C1orf167: variants seen among roughly 807,000 people sequenced by gnomAD.
C1orf167 encodes the protein chromosome 1 open reading frame 167.
In C1orf167, 153 loss-of-function variants were observed where a neutral mutation model predicts 176.5. That is an observed-to-expected ratio of 0.87 (90% CI 0.76 to 0.99). The LOEUF (loss-of-function observed/expected upper bound fraction) is 0.99, where lower values mean the gene tolerates loss of function less well. C1orf167 is among the 50% of genes least tolerant of loss of function. The pLI, the probability that C1orf167 is intolerant of heterozygous loss-of-function variation, is 0.00. For missense variants in C1orf167, 1,490 were observed against 1,817.7 expected (o/e 0.82, Z 3.28); for synonymous variants, 594 against 752.7 (o/e 0.79, Z 3.45).
chr1:11,770,801 C>T (rs1051286498), intron 6 of C1orf167, among the ~76,000 whole-genome samples: 23 of 114,392 alleles, frequency 2.0e-4, no homozygotes, highest in Non-Finnish European at 2.6e-4. Flanking sequence ...TTTTCTACTA[C>T]AGTTGGGTAT....
At chr1:11,788,112 C>T (rs1361604916) in intron 18 of C1orf167, 37 bp from the exon 19 acceptor site, 2 of 1,276,386 alleles carry the variant, frequency 1.6e-6, no homozygotes, top group South Asian at 2.5e-5. Context: ...GAGGGGCTTG[C>T]CTGAGCCATG....
chr1:11,784,565 G>T lies in C1orf167; in HGVS notation c.3397G>T (p.Ala1133Ser). 7.9e-7 allele frequency: 1 copy of T among 1,267,900 alleles called. No individual in the cohort carries two copies. The highest frequency in any genetic ancestry group is 1.0e-6 in the Non-Finnish European group (1 of 970,380). The allele number at this position is 1,267,900 out of a possible 1,614,324, so 78.5% of individuals were successfully genotyped here. Residue 1133 changes from alanine (A) to serine (S), a missense_variant, in exon 15 of 21, where the codon GCC becomes TCC. By Grantham distance (99) the Ala-to-Ser change is moderately conservative. Transcript: ENST00000688073. ...HESCRGQVSR[A>S]HASWKPRAWV... ...GTCCTGTCGGGGCCAGGTCAGCCGAGCCCATGCTTCCTGGAAGCCGCGAGC... is the reference window on the plus strand; with the variant it reads ...GTCCTGTCGGGGCCAGGTCAGCCGATCCCATGCTTCCTGGAAGCCGCGAGC...
In C1orf167 at chr1:11,782,191, C is replaced by T. The variant is rs1288962954; in HGVS notation, c.2863C>T (p.Gln955Ter). The T allele has an allele frequency of 5.5e-6, 7 of 1,278,872 alleles. No individual in the cohort carries two copies. The highest frequency in any genetic ancestry group is 6.1e-6 in the Non-Finnish European group (6 of 976,818). 79.2% of individuals were successfully genotyped at this position (1,278,872 alleles called of 1,614,324 possible). Residue 955 changes from glutamine (Q) to a stop codon, truncating the protein, a stop_gained and splice_region_variant, in exon 14 of 21, where the codon CAG becomes TAG. Coordinates refer to ENST00000688073, the MANE Select transcript of C1orf167 (RefSeq NM_001010881.2). LOFTEE classifies it high-confidence loss of function. ...LCHWHSCWQG[Q>*]QFLHEKCQTW... is the part of the protein sequence containing the mutation. ...CTTCAGCATCTCTCTGGCCCCAGGG[C>T]AGCAGTTCCTGCATGAAAAGTGCCA...
chr1:11,767,141 G>A, intron 3 of C1orf167, 56 bp downstream of exon 3: 1 of 1,280,896 alleles, frequency 7.8e-7, no homozygotes, highest in Non-Finnish European at 1.0e-6. Context: ...TTGCTCCAGG[G>A]CAGGGAGGCT....
chr1:11,776,870 C>A (rs1470984944), intron 10 of C1orf167, among the ~76,000 whole-genome samples: 4 of 152,198 alleles, frequency 2.6e-5, no homozygotes, highest in Non-Finnish European at 5.9e-5. Context: ...CAGAGGGCCA[C>A]TGGGGGCCAG....
intron 8 of C1orf167, among the ~76,000 whole-genome samples, chr1:11,773,386 C>A (rs1421340538): frequency 6.6e-6 from 1 of 151,990 alleles, no homozygotes; most frequent in Non-Finnish European, 1.5e-5. Flanking sequence ...TTTTTATATG[C>A]CTCTCTAAAA....
At chr1:11,772,013 G>T in intron 7 of C1orf167, 69 bp from the exon 8 acceptor site, 1 of 1,189,564 alleles carries the variant, frequency 8.4e-7, no homozygotes, top group South Asian at 1.5e-5. Flanking sequence ...CATGTCAGGG[G>T]CCCCTCCTGG....
chr1:11,765,905 A>G lies in C1orf167; in HGVS notation c.119A>G (p.His40Arg). The G allele has an allele frequency of 8.2e-7, 1 of 1,222,862 alleles. No homozygotes were observed. Among genetic ancestry groups the G allele is most frequent in the Non-Finnish European group, 1.0e-6 (1 of 957,014 alleles). The allele number at this position is 1,222,862 out of a possible 1,614,324, so 75.8% of individuals were successfully genotyped here. A position where few individuals can be genotyped will look rare whatever the true frequency, so the allele number is the denominator to read the frequency against. Residue 40 changes from histidine to arginine, a missense_variant, in exon 3 of 21, where the codon CAT (histidine) becomes CGT (arginine). By Grantham distance (29) the His-to-Arg change is conservative (BLOSUM62 0). Transcript: ENST00000688073. Reference protein sequence around the residue: ...RSLGIGLSGRHDQWVPGCQVE... With the variant: ...RSLGIGLSGRRDQWVPGCQVE... ...CTGGGCATCGGCCTGAGTGGTAGAC[A>G]TGACCAGTGGGTGCCCGGGTGCCAG...
In C1orf167 at chr1:11,771,509, C is replaced by G. The variant is rs1327786683; in HGVS notation, c.1698-15C>G. 7.8e-7 allele frequency: 1 copy of G among 1,285,900 alleles called. No homozygotes were observed. The highest frequency in any genetic ancestry group is 1.5e-5 in the African/African-American group (1 of 65,720). The allele number at this position is 1,285,900 out of a possible 1,614,324, so 79.7% of individuals were successfully genotyped here. ...CCCGGGTCATCAGCTTCTCTCTGGG[C>G]AACTTTGCTTTTAGTCCAGGAAGTC... On this transcript the variant is annotated splice_polypyrimidine_tract_variant and intron_variant, in intron 6 of 20. Transcript: ENST00000688073.
intron 12 of C1orf167, 160 bp downstream of exon 12, chr1:11,779,240 G>A (rs1643479405): frequency 1.6e-6 from 1 of 642,456 alleles, no homozygotes; most frequent in Non-Finnish European, 2.2e-6. Context: ...CTGAGAGGGT[G>A]TCGGGGAGTG....
At chr1:11,772,052 C>G (rs775719792) in intron 7 of C1orf167, 30 bp from the exon 8 acceptor site, 89 of 1,284,420 alleles carry the variant, frequency 6.9e-5, no homozygotes, top group Non-Finnish European at 8.2e-5. Flanking sequence ...CTTACTCTCT[C>G]TTTTCTCTCC....
At chr1:11,781,125 G>A (rs966979527) in intron 13 of C1orf167, among the ~76,000 whole-genome samples, 2 of 143,970 alleles carry the variant, frequency 1.4e-5, no homozygotes, top group African/African-American at 5.1e-5. Context: ...AGCTCCCCTC[G>A]TAGCTGGGAT....
In C1orf167 at chr1:11,788,058, C is replaced by G. The variant is rs1370059181; in HGVS notation, c.3848+11C>G. 6 of 1,289,882 alleles carry G rather than the reference C, an allele frequency of 4.7e-6. No individual in the cohort carries two copies. The highest frequency in any genetic ancestry group is 6.1e-6 in the Non-Finnish European group (6 of 979,814). The allele number at this position is 1,289,882 out of a possible 1,614,324, so 79.9% of individuals were successfully genotyped here. A position where few individuals can be genotyped will look rare whatever the true frequency, so the allele number is the denominator to read the frequency against. ...TAAACGGAGGCTACGGTAAGAGGAGCTGTGTGTGCAGTTTGGTGGGTCCGA... is the reference window on the plus strand; with the variant it reads ...TAAACGGAGGCTACGGTAAGAGGAGGTGTGTGTGCAGTTTGGTGGGTCCGA... On this transcript the variant is annotated intron_variant, in intron 18 of 20. Coordinates refer to ENST00000688073, the MANE Select transcript of C1orf167 (RefSeq NM_001010881.2).
At chr1:11,787,251 G>A (rs878979686) in intron 16 of C1orf167, 137 bp from the exon 17 acceptor site, 1 of 355,542 alleles carries the variant, frequency 2.8e-6, no homozygotes, top group South Asian at 2.5e-5. Context: ...TTGTTGGAAT[G>A]TCTTCAGCCA....
In C1orf167 at chr1:11,784,528, G is replaced by GT; in HGVS notation, c.3361dup (p.Trp1121LeufsTer4). ...AGTGCTGGACTTGGTGCTGGGCTCT[G>GT]TGGGTGCATGAGTCCTGTCGGGGCC... On this transcript the variant is annotated frameshift_variant, in exon 15 of 21. Coordinates refer to ENST00000688073, the MANE Select transcript of C1orf167 (RefSeq NM_001010881.2). LOFTEE classifies it high-confidence loss of function. 2.3e-6 allele frequency: 3 copies of GT among 1,300,380 alleles called. No homozygotes were observed. 80.6% of individuals were successfully genotyped at this position (1,300,380 alleles called of 1,614,324 possible).
At chr1:11,777,771 T>C (rs1643391177) in intron 10 of C1orf167, 1 of 152,208 alleles carries the variant, frequency 6.6e-6, no homozygotes, top group Non-Finnish European at 1.5e-5. Context: ...CCTTTCAGAA[T>C]GTGGGGGCAC....
At chr1:11,774,160 C>G (rs1643205435) in intron 8 of C1orf167, among the ~76,000 whole-genome samples, 1 of 152,120 alleles carries the variant, frequency 6.6e-6, no homozygotes, top group Non-Finnish European at 1.5e-5. Context: ...CCACCTTGAC[C>G]TCCCAAAGTG....
chr1:11,788,364 C>G lies in C1orf167; in HGVS notation c.4064C>G (p.Ala1355Gly), dbSNP rs951935644. 6 of 1,295,684 alleles carry G rather than the reference C, an allele frequency of 4.6e-6. No individual in the cohort carries two copies. Among genetic ancestry groups the G allele is most frequent in the African/African-American group, 4.6e-5 (3 of 65,694 alleles). The allele number at this position is 1,295,684 out of a possible 1,614,324, so 80.3% of individuals were successfully genotyped here. ...GGTGGATGCCCAAGGGGCAGAGCAG[C>G]TGGTGCGGACCCTGGTGAGTGGGTG... is the stretch of plus-strand genomic sequence containing the variant. ...ALGGCPRGRAAGADPAQGVAP... is the reference protein window; with the variant it reads ...ALGGCPRGRAGGADPAQGVAP... The change falls in exon 19 of 21, where the codon GCT becomes GGT. Residue 1355 changes from alanine (A) to glycine (G), a missense_variant. By Grantham distance (60) the Ala-to-Gly change is moderately conservative (BLOSUM62 0). Transcript: ENST00000688073.
chr1:11,772,566 C>G (rs77157935), intron 8 of C1orf167, among the ~76,000 whole-genome samples: 10,205 of 152,286 alleles, frequency 0.067, 375 homozygotes, highest in Middle Eastern at 0.12. Context: ...CATGCCTGGC[C>G]CCCACTTCCC....
Sources: allele counts gnomAD v4.1 joint callset (sites outside exome capture counted in the v4.1 genomes callset), GRCh38; gene constraint gnomAD v4.1.1; transcripts MANE v1.5; gene names NCBI Gene and HGNC (gene_info 2026-07-23, HGNC 2026-07-21).